The following PPM1F variants were observed in gnomAD, a reference collection of about 807,000 sequenced individuals.
PPM1F encodes the protein protein phosphatase, Mg2+/Mn2+ dependent 1F.
A neutral mutation model predicts 35.5 loss-of-function variants in PPM1F; 17 were observed. That is an observed-to-expected ratio of 0.48 (90% confidence interval 0.33 to 0.72). PPM1F has a LOEUF of 0.72. PPM1F is among the 30% of genes least tolerant of loss of function. PPM1F has a pLI of 0.02. For synonymous variants in PPM1F, 241 were observed against 255.5 expected, an observed-to-expected ratio of 0.94 and a Z score of 0.54; for missense variants, 521 against 613.0, an observed-to-expected ratio of 0.85 and a Z score of 1.59.
intron 6 of PPM1F, among the ~76,000 whole-genome samples, chr22:21,929,608 G>A (rs2145794578): frequency 6.6e-6 from 1 of 152,296 alleles, no homozygotes; most frequent in South Asian, 2.1e-4. Flanking sequence ...TCCTGACTTG[G>A]CCACATTTCA....
rs1303057721 is a variant in PPM1F at position 21,921,039 on chromosome 22, A to G, written c.*2053T>C. On this transcript the variant is annotated 3_prime_UTR_variant, in exon 8 of 8. Transcript: ENST00000263212. ...GACTATGTTTAAGGTTTTTTTTTGT[A>G]AATAAGAGACCTTAAGCAATGCATT... The G allele has an allele frequency of 6.6e-6, 1 of 151,966 alleles. No homozygotes were observed. Among genetic ancestry groups the G allele is most frequent in the Non-Finnish European group, 1.5e-5 (1 of 67,900 alleles). 9.4% of individuals were successfully genotyped at this position (151,966 alleles called of 1,614,324 possible). A position where few individuals can be genotyped will look rare whatever the true frequency, so the allele number is the denominator to read the frequency against.
At chr22:21,926,232 A>G (rs1241514743) in intron 6 of PPM1F, among the ~76,000 whole-genome samples, 2 of 151,410 alleles carry the variant, frequency 1.3e-5, no homozygotes, top group Admixed American at 1.3e-4. Context: ...CCTGGGTTCA[A>G]GTGATTCTCC....
intron 6 of PPM1F, among the ~76,000 whole-genome samples, chr22:21,929,047 C>T (rs12485119): frequency 1.3e-5 from 2 of 152,196 alleles, no homozygotes; most frequent in Non-Finnish European, 2.9e-5. Context: ...ACGCACTCCC[C>T]CCACGTACTC....
chr22:21,939,454 A>G lies in PPM1F; in HGVS notation c.355+78T>C. 6.4e-7 allele frequency: 1 copy of G among 1,571,848 alleles called. No homozygotes were observed. The highest frequency in any genetic ancestry group is 8.7e-7 in the Non-Finnish European group (1 of 1,155,650). ...CCAGCACCCTTAGGGACCCCAATCA[A>G]TGGGCTTCCCACAATGTCGTCACCC... On this transcript the variant is annotated intron_variant, in intron 3 of 7. Coordinates refer to ENST00000263212, the MANE Select transcript of PPM1F (RefSeq NM_014634.4). The surrounding 1 kb of genome is among the most constrained non-coding windows in gnomAD (Gnocchi z 5.1).
Position 21,939,204 on chromosome 22 carries a change from C to A in PPM1F, c.355+328G>T. ...TGGCTGCATGACCAGAGATCGATCACCTGTGAGATCCTCTGTGAAACGGGA... is the reference window on the plus strand; with the variant it reads ...TGGCTGCATGACCAGAGATCGATCAACTGTGAGATCCTCTGTGAAACGGGA... On this transcript the variant is annotated intron_variant, in intron 3 of 7. Transcript: ENST00000263212. This position sits in a 1 kb window ranked among gnomAD's most constrained non-coding sequence, Gnocchi z 5.1. 3.4e-6 allele frequency: 1 copy of A among 292,198 alleles called. No homozygotes were observed. Among genetic ancestry groups the A allele is most frequent in the South Asian group, 4.3e-5 (1 of 23,426 alleles). 18.1% of individuals were successfully genotyped at this position (292,198 alleles called of 1,614,324 possible).
intron 2 of PPM1F, chr22:21,944,596 G>T (rs1202995843): frequency 1.3e-5 from 2 of 152,158 alleles, no homozygotes; most frequent in Non-Finnish European, 2.9e-5. Flanking sequence ...CCTCAGCAAG[G>T]GACTAGGTTC....
At chr22:21,924,037 G>A (rs2070480798) in intron 7 of PPM1F, among the ~76,000 whole-genome samples, 1 of 151,984 alleles carries the variant, frequency 6.6e-6, no homozygotes, top group East Asian at 1.9e-4. Context: ...CTCACTTCCT[G>A]GAGTGTCCAG....
chr22:21,940,746 G>A (rs934452866), intron 2 of PPM1F: 2 of 152,216 alleles, frequency 1.3e-5, no homozygotes, highest in Non-Finnish European at 2.9e-5. Context: ...TGGGGTGTGG[G>A]ACCCATGGGC....
At position 21,920,925 on chromosome 22, in the gene PPM1F, CAGA is replaced by C. The variant is rs972906056; in HGVS notation, c.*2164_*2166del. The C allele has an allele frequency of 6.6e-6, 1 of 152,250 alleles. No individual in the cohort carries two copies. Among genetic ancestry groups the C allele is most frequent in the Non-Finnish European group, 1.5e-5 (1 of 68,052 alleles). The allele number at this position is 152,250 out of a possible 1,614,324, so 9.4% of individuals were successfully genotyped here. On this transcript the variant is annotated 3_prime_UTR_variant, in exon 8 of 8. Transcript: ENST00000263212. Reference sequence around the variant, plus strand: ...AGGGTGGAGCTGCGTCCCTGACCCCCAGAAGGAGACAGCAGGCCTTCAAGTTAA... The same window carrying C: ...AGGGTGGAGCTGCGTCCCTGACCCCCAGGAGACAGCAGGCCTTCAAGTTAA...
chr22:21,925,745 G>C, intron 6 of PPM1F, 83 bp from the exon 7 acceptor site: 1 of 1,146,214 alleles, frequency 8.7e-7, no homozygotes, highest in Non-Finnish European at 1.2e-6. Context: ...CAGAGGCACA[G>C]CTGCTTCTAA....
chr22:21,934,849 T>C (rs2070640686), intron 3 of PPM1F: 1 of 137,086 alleles, frequency 7.3e-6, no homozygotes, highest in African/African-American at 2.8e-5. Context: ...CATGCCATTA[T>C]GCTCCAGTCT....
chr22:21,933,251 A>G, intron 5 of PPM1F, 140 bp downstream of exon 5: 1 of 779,490 alleles, frequency 1.3e-6, no homozygotes. Flanking sequence ...AAGCCCCTTT[A>G]GAAAAAATGG....
In PPM1F at chr22:21,939,577, C is replaced by T. The variant is rs1020204015; in HGVS notation, c.310G>A (p.Glu104Lys). Residue 104 changes from glutamate (E) to lysine (K), a missense_variant, in exon 3 of 8, where the codon GAA becomes AAA. Transcript: ENST00000263212. This position sits in a 1 kb window ranked among gnomAD's most constrained non-coding sequence, Gnocchi z 5.1. ...TCCTCGTCATCGTCCTCCTCCTCTTCTTCTTCCTCCCTGGGCAACTTCCTG... is the reference window on the plus strand; with the variant it reads ...TCCTCGTCATCGTCCTCCTCCTCTTTTTCTTCCTCCCTGGGCAACTTCCTG... ...EFRKLPREEE[E>K]EEEDDDEEEK... is the part of the protein sequence containing the mutation. 2.5e-6 allele frequency: 4 copies of T among 1,575,266 alleles called. No individual in the cohort carries two copies. The Admixed American group carries it at 7.5e-5, about 29-fold the overall frequency.
chr22:21,935,252 T>C (rs1312822281), intron 3 of PPM1F: 1 of 152,242 alleles, frequency 6.6e-6, no homozygotes, highest in African/African-American at 2.4e-5. Flanking sequence ...CCCCTAAAGT[T>C]ACACATCATA....
Position 21,933,923 on chromosome 22 carries a change from T to C in PPM1F, c.558+101A>G, listed in dbSNP as rs190346300. 1,434 of 1,162,712 alleles carry C rather than the reference T, an allele frequency of 1.2e-3. 19 individuals are homozygous for C. The African/African-American group carries it at 0.019, about 16-fold the overall frequency. The allele number at this position is 1,162,712 out of a possible 1,614,324, so 72.0% of individuals were successfully genotyped here. ...TACAGGGGCTGACGGGTGTCTCTCC[T>C]GTCTCAGCCTTGGTGGGCAGCTCTT... On this transcript the variant is annotated intron_variant, in intron 4 of 7. Transcript: ENST00000263212.
intron 4 of PPM1F, 38 bp downstream of exon 4, chr22:21,933,986 T>G (rs2070627353): frequency 2.0e-6 from 3 of 1,512,000 alleles, no homozygotes; most frequent in Non-Finnish European, 2.7e-6. Flanking sequence ...GCCCCGGTCC[T>G]CCGAAGCTGT....
At chr22:21,946,169 C>G in intron 1 of PPM1F, 61 bp from the exon 2 acceptor site, 2 of 773,482 alleles carry the variant, frequency 2.6e-6, no homozygotes, top group Non-Finnish European at 3.9e-6. Flanking sequence ...ATGCAGGTGC[C>G]CACCTGCAAG....
At chr22:21,930,767 C>T (rs1327014417) in intron 6 of PPM1F, among the ~76,000 whole-genome samples, 1 of 152,196 alleles carries the variant, frequency 6.6e-6, no homozygotes, top group Non-Finnish European at 1.5e-5. Context: ...GTCAGTACAG[C>T]CCCAAGCCAG....
At chr22:21,925,136 C>A (rs947740680) in intron 7 of PPM1F, 21 of 242,536 alleles carry the variant, frequency 8.7e-5, no homozygotes, top group African/African-American at 4.2e-4. Flanking sequence ...CTCAGGTGAT[C>A]CACCCACCTC....
Sources: allele counts gnomAD v4.1 joint callset (sites outside exome capture counted in the v4.1 genomes callset), GRCh38; gene constraint gnomAD v4.1.1; non-coding constraint Gnocchi (gnomAD v3.1); transcripts MANE v1.5; gene names NCBI Gene and HGNC (gene_info 2026-07-23, HGNC 2026-07-21).